Variants in GPC6 observed in about 807,000 individuals in gnomAD.
GPC6 encodes glypican-6.
In GPC6, 14 loss-of-function variants were observed where a neutral mutation model predicts 55.2. The ratio of observed to expected loss-of-function variants is 0.25; its 90% CI spans 0.17 to 0.40. The LOEUF (loss-of-function observed/expected upper bound fraction) is 0.40. Ranked by LOEUF, GPC6 falls within the 10% of genes least tolerant of loss-of-function variation. GPC6 has a pLI of 1.00. For missense variants in GPC6, 641 were observed against 708.5 expected, an observed-to-expected ratio of 0.90 and a Z score of 1.08; for synonymous variants, 278 against 259.6, an observed-to-expected ratio of 1.07 and a Z score of -0.68.
intron 2 of GPC6, among the ~76,000 whole-genome samples, chr13:93,697,791 G>A (rs1451177459): frequency 1.3e-5 from 2 of 152,140 alleles, no homozygotes; most frequent in African/African-American, 2.4e-5. Flanking sequence ...AACTAAGTCT[G>A]TGCCATTCAA....
chr13:93,809,531 C>A (rs1315053234), intron 2 of GPC6, among the ~76,000 whole-genome samples: 3 of 152,258 alleles, frequency 2.0e-5, no homozygotes, highest in Non-Finnish European at 2.9e-5. Flanking sequence ...AAATGAGGTA[C>A]CTTTGGCAGC....
intron 3 of GPC6, among the ~76,000 whole-genome samples, chr13:93,856,209 T>A (rs767663184): frequency 6.6e-6 from 1 of 151,524 alleles, no homozygotes. Context: ...CCCAAAATAA[T>A]CTTATTTGGG....
chr13:93,615,351 T>C (rs1878666633), intron 2 of GPC6, among the ~76,000 whole-genome samples: 1 of 152,196 alleles, frequency 6.6e-6, no homozygotes, highest in African/African-American at 2.4e-5. Flanking sequence ...TAAGAAATTC[T>C]GAATTGCAAC....
At chr13:94,339,726 T>C (rs1042381879) in intron 6 of GPC6, among the ~76,000 whole-genome samples, 7 of 151,484 alleles carry the variant, frequency 4.6e-5, no homozygotes, top group Non-Finnish European at 1.0e-4. Flanking sequence ...TGCACAATTT[T>C]TAAGTCTGCA....
intron 3 of GPC6, among the ~76,000 whole-genome samples, chr13:93,888,142 G>A (rs1488830982): frequency 2.0e-5 from 3 of 152,128 alleles, no homozygotes; most frequent in Admixed American, 6.6e-5. Flanking sequence ...AACAGGTGAG[G>A]CTGACTAGGG....
intron 3 of GPC6, among the ~76,000 whole-genome samples, chr13:93,938,506 G>T (rs1878555478): frequency 6.6e-6 from 1 of 152,090 alleles, no homozygotes; most frequent in African/African-American, 2.4e-5. Flanking sequence ...CAGATATATT[G>T]GGATAGCTGA....
At chr13:93,244,937 A>T (rs1010036825) in intron 1 of GPC6, among the ~76,000 whole-genome samples, 1 of 152,162 alleles carries the variant, frequency 6.6e-6, no homozygotes, top group Non-Finnish European at 1.5e-5. Context: ...TCAAAAAAAA[A>T]ACTTCATAAT....
At chr13:93,623,718 A>G (rs780884816) in intron 2 of GPC6, among the ~76,000 whole-genome samples, 2 of 152,134 alleles carry the variant, frequency 1.3e-5, no homozygotes, top group Non-Finnish European at 2.9e-5. Flanking sequence ...TTGGCCTCTC[A>G]AAATGCTGGG....
intron 2 of GPC6, among the ~76,000 whole-genome samples, chr13:93,601,845 A>G (rs1248903038): frequency 6.6e-6 from 1 of 152,262 alleles, no homozygotes; most frequent in Non-Finnish European, 1.5e-5. Context: ...GATGGCAGGA[A>G]CTGCCGAGTA....
intron 4 of GPC6, among the ~76,000 whole-genome samples, chr13:94,091,863 A>G (rs939596491): frequency 9.9e-5 from 15 of 151,242 alleles, no homozygotes; most frequent in Admixed American, 9.3e-4. Flanking sequence ...GTAACTGGTG[A>G]AGAAAAACTC....
intron 4 of GPC6, among the ~76,000 whole-genome samples, chr13:94,158,031 AC>A (rs1456425529): frequency 6.6e-6 from 1 of 152,140 alleles, no homozygotes; most frequent in Non-Finnish European, 1.5e-5. Context: ...TTCCCCACTA[AC>A]CTGCCAATAT....
At chr13:93,237,933 T>G (rs1385444692) in intron 1 of GPC6, among the ~76,000 whole-genome samples, 1 of 152,206 alleles carries the variant, frequency 6.6e-6, no homozygotes, top group Non-Finnish European at 1.5e-5. Flanking sequence ...ATGTGTCTAT[T>G]TTTACACTAT....
At chr13:93,667,716 C>G (rs1160328824) in intron 2 of GPC6, among the ~76,000 whole-genome samples, 1 of 141,810 alleles carries the variant, frequency 7.1e-6, no homozygotes, top group Admixed American at 6.8e-5. Flanking sequence ...GTGTAAACCA[C>G]CACACCCAGC....
chr13:94,325,462 G>C (rs1877068577), intron 6 of GPC6, among the ~76,000 whole-genome samples: 1 of 152,228 alleles, frequency 6.6e-6, no homozygotes, highest in Non-Finnish European at 1.5e-5. Context: ...AAAGACTGCT[G>C]ATCATGGGAA....
intron 1 of GPC6, among the ~76,000 whole-genome samples, chr13:93,364,846 C>T (rs1181826318): frequency 6.6e-6 from 1 of 151,826 alleles, no homozygotes; most frequent in Non-Finnish European, 1.5e-5. Context: ...CTCTCCTTCT[C>T]CTCTGTTTCT....
At chr13:93,430,670 T>C (rs966691445) in intron 1 of GPC6, among the ~76,000 whole-genome samples, 3 of 152,150 alleles carry the variant, frequency 2.0e-5, no homozygotes, top group African/African-American at 4.8e-5. Flanking sequence ...AACGTACCAA[T>C]AGTAATAGCA....
rs144297308 is a variant in GPC6 at position 93,276,458 on chromosome 13, CAGAGAGAGAGAGAG to C, written c.160+48867_160+48880del. ...GAAATGGCAGAAGCTCTGGCCTTTT[CAGAGAGAGAGAGAG>C]AGAGAGAGAGAGAGAGAGAGAGAGT... On this transcript the variant is annotated intron_variant, in intron 1 of 8. Transcript: ENST00000377047. Among the ~76,000 whole-genome samples, 580 of 117,538 alleles carry C rather than the reference CAGAGAGAGAGAGAG, an allele frequency of 4.9e-3. 3 individuals are homozygous for C. The highest frequency in any genetic ancestry group is 0.017 in the African/African-American group (528 of 30,746). The allele number at this position is 117,538 out of a possible 152,430, so 77.1% of individuals were successfully genotyped here.
At chr13:93,897,827 G>C (rs1259234267) in intron 3 of GPC6, among the ~76,000 whole-genome samples, 5 of 152,026 alleles carry the variant, frequency 3.3e-5, no homozygotes, top group Admixed American at 6.6e-5. Flanking sequence ...GTGCCTAATA[G>C]GCTACCTTGT....
chr13:93,807,338 T>A (rs1886570787), intron 2 of GPC6, among the ~76,000 whole-genome samples: 1 of 152,190 alleles, frequency 6.6e-6, no homozygotes, highest in Non-Finnish European at 1.5e-5. Context: ...AGATCTCTTT[T>A]GGGTGTTAGA....
Sources: allele counts gnomAD v4.1 joint callset (sites outside exome capture counted in the v4.1 genomes callset), GRCh38; gene constraint gnomAD v4.1.1; transcripts MANE v1.5; gene names NCBI Gene and HGNC (gene_info 2026-07-23, HGNC 2026-07-21).